LEPR: variants seen among roughly 807,000 people sequenced by gnomAD.
LEPR encodes OB receptor.
A neutral mutation model predicts 114.7 loss-of-function variants in LEPR; 56 were observed. The observed-to-expected ratio is 0.49, with a 90% CI of 0.39 to 0.61. The LOEUF (loss-of-function observed/expected upper bound fraction) is 0.61, where lower values mean the gene tolerates loss of function less well. LEPR is among the 20% of genes least tolerant of loss of function. The pLI, the probability that LEPR is intolerant of heterozygous loss-of-function variation, is 0.00. For synonymous variants in LEPR, 443 were observed against 461.4 expected (o/e 0.96, Z 0.51); for missense variants, 1,202 against 1,352.9 (o/e 0.89, Z 1.75).
At chr1:65,474,286 C>T (rs1277740810) in intron 2 of LEPR, among the ~76,000 whole-genome samples, 2 of 152,178 alleles carry the variant, frequency 1.3e-5, no homozygotes, top group South Asian at 4.1e-4. Flanking sequence ...AACCAGGACA[C>T]CTGGGGCTCA....
intron 2 of LEPR, among the ~76,000 whole-genome samples, chr1:65,438,467 T>C (rs1485004097): frequency 4.7e-5 from 7 of 149,642 alleles, no homozygotes; most frequent in Non-Finnish European, 1.0e-4. Flanking sequence ...GGAGAACTGC[T>C]TGAACCTGGT....
Position 65,435,254 on chromosome 1 carries a change from A to T in LEPR, c.-21+9876A>T, listed in dbSNP as rs908442434. On this transcript the variant is annotated intron_variant, in intron 2 of 19. Coordinates refer to ENST00000349533, the MANE Select transcript of LEPR (RefSeq NM_002303.6). ...CTAAGGAAGTCCTTACCTCTGAGGT[A>T]TCTCCTCAATGAATACTGTTTTCAA... 1.3e-5 allele frequency: 13 copies of T among 983,712 alleles called. No homozygotes were observed. In the Admixed American group the frequency reaches 4.9e-4, roughly 37 times the overall value. The allele number at this position is 983,712 out of a possible 1,614,324, so 60.9% of individuals were successfully genotyped here.
chr1:65,636,758 G>A lies in LEPR; in HGVS notation c.3241G>A (p.Gly1081Arg). Residue 1081 changes from glycine (G) to arginine (R), a missense_variant, in exon 20 of 20, where the codon GGG (glycine) becomes AGG (arginine). Coordinates refer to ENST00000349533, the MANE Select transcript of LEPR (RefSeq NM_002303.6). ...NNDKKSIYYL[G>R]VTSIKKRESG... ...TGATAAAAAGTCTATCTATTATTTAGGGGTCACCTCAATCAAAAAGAGAGA... is the reference window on the plus strand; with the variant it reads ...TGATAAAAAGTCTATCTATTATTTAAGGGTCACCTCAATCAAAAAGAGAGA... 6.2e-7 allele frequency: 1 copy of A among 1,613,902 alleles called. No homozygotes were observed. Among genetic ancestry groups the A allele is most frequent in the Non-Finnish European group, 8.5e-7 (1 of 1,179,926 alleles).
chr1:65,483,594 A>G (rs1647326693), intron 2 of LEPR, among the ~76,000 whole-genome samples: 1 of 152,184 alleles, frequency 6.6e-6, no homozygotes, highest in Non-Finnish European at 1.5e-5. Context: ...AAAATGCCCT[A>G]CCAGGACTTG....
At chr1:65,434,510 G>C in intron 2 of LEPR, 4 of 985,044 alleles carry the variant, frequency 4.1e-6, no homozygotes, top group Non-Finnish European at 4.8e-6. Flanking sequence ...CTATGAATTG[G>C]TGATTGAGTT....
intron 2 of LEPR, chr1:65,434,021 T>A (rs1646524022): frequency 1.0e-6 from 1 of 985,278 alleles, no homozygotes; most frequent in Non-Finnish European, 1.2e-6. Context: ...TACTACATTT[T>A]GCAAAAGTGT....
intron 2 of LEPR, among the ~76,000 whole-genome samples, chr1:65,447,954 A>T (rs546211441): frequency 2.0e-5 from 3 of 152,220 alleles, no homozygotes; most frequent in Non-Finnish European, 4.4e-5. Context: ...ATGAACAACT[A>T]TGTCTTCTGT....
At chr1:65,455,537 G>A (rs550301403) in intron 2 of LEPR, among the ~76,000 whole-genome samples, 11 of 152,214 alleles carry the variant, frequency 7.2e-5, no homozygotes, top group East Asian at 5.8e-4. Flanking sequence ...TGGAGTACCC[G>A]GCCATGTGAG....
At chr1:65,547,546 G>C (rs913520886) in intron 2 of LEPR, among the ~76,000 whole-genome samples, 3 of 151,820 alleles carry the variant, frequency 2.0e-5, no homozygotes, top group African/African-American at 4.8e-5. Context: ...GAGAGTGTAT[G>C]TGTCGAGGAA....
intron 15 of LEPR, 35 bp downstream of exon 15, chr1:65,616,259 C>G (rs996278010): frequency 4.4e-6 from 7 of 1,596,766 alleles, no homozygotes; most frequent in Non-Finnish European, 4.3e-6. Flanking sequence ...TCCATTGCCT[C>G]TTTTAATATT....
rs1441020233 is a variant in LEPR, at chr1:65,598,571, T to C, written c.850-89T>C. On this transcript the variant is annotated intron_variant, in intron 7 of 19. Transcript: ENST00000349533. ...ACTACTGTGTAAGATATTAATTCTT[T>C]GAAATTTGATGAGATTAGCTTATCC... is the stretch of plus-strand genomic sequence containing the variant. The C allele has an allele frequency of 4.0e-5, 62 of 1,560,484 alleles. 1 individual carries two copies. Among genetic ancestry groups the C allele is most frequent in the Non-Finnish European group, 2.6e-6 (3 of 1,144,860 alleles).
intron 5 of LEPR, among the ~76,000 whole-genome samples, chr1:65,575,325 C>T (rs1159932854): frequency 1.4e-5 from 2 of 147,096 alleles, no homozygotes. Flanking sequence ...ATAGCTTAAC[C>T]ACCAGCAAAA....
At chr1:65,525,832 C>T (rs1570610344) in intron 2 of LEPR, 5 of 985,346 alleles carry the variant, frequency 5.1e-6, no homozygotes, top group South Asian at 9.4e-5. Flanking sequence ...GGACCTGCTT[C>T]CCTCTCCGAC....
rs200237341 is a variant in LEPR, at chr1:65,598,799, C to G, written c.989C>G (p.Thr330Arg). Residue 330 changes from threonine (T) to arginine (R), a missense_variant, in exon 8 of 20, where the codon ACA (threonine) becomes AGA (arginine). By Grantham distance (71) the Thr-to-Arg change is moderately conservative. Coordinates refer to ENST00000349533, the MANE Select transcript of LEPR (RefSeq NM_002303.6). ...TGGAGTACTCCTCGTGTCTTTACCA[C>G]ACAAGGTAGGTTATGTAATAGCCAC... ...SDWSTPRVFT[T>R]QDVIYFPPKI... The G allele has an allele frequency of 6.2e-7, 1 of 1,613,178 alleles. No individual in the cohort carries two copies. The highest frequency in any genetic ancestry group is 1.7e-5 in the Admixed American group (1 of 59,906).
intron 2 of LEPR, among the ~76,000 whole-genome samples, chr1:65,478,021 C>T (rs1191565256): frequency 6.6e-6 from 1 of 152,186 alleles, no homozygotes; most frequent in Non-Finnish European, 1.5e-5. Context: ...AAACATGCAA[C>T]CCACACTCCT....
At chr1:65,591,513 T>A (rs2186243) in intron 5 of LEPR, among the ~76,000 whole-genome samples, 8 of 151,750 alleles carry the variant, frequency 5.3e-5, no homozygotes, top group Non-Finnish European at 8.8e-5. Context: ...GTTATTGGGT[T>A]CATAAATGTT....
intron 2 of LEPR, among the ~76,000 whole-genome samples, chr1:65,444,593 G>A (rs1364742049): frequency 7.3e-6 from 1 of 136,690 alleles, no homozygotes. Flanking sequence ...GGCGGGGGGT[G>A]GGGTGGGGAG....
chr1:65,554,089 A>G (rs1257813674), intron 2 of LEPR, among the ~76,000 whole-genome samples: 2 of 152,168 alleles, frequency 1.3e-5, no homozygotes, highest in Non-Finnish European at 2.9e-5. Flanking sequence ...GCTTCGTCCC[A>G]GAGGGGTACC....
intron 2 of LEPR, among the ~76,000 whole-genome samples, chr1:65,500,211 C>T (rs181533084): frequency 8.5e-5 from 13 of 152,228 alleles, no homozygotes; most frequent in African/African-American, 3.1e-4. Context: ...CATTACACCT[C>T]TTTTCTTTAT....
Sources: gnomAD v4.1 joint callset for allele counts (sites outside exome capture counted in the v4.1 genomes callset) on GRCh38, gnomAD v4.1.1 for gene constraint, MANE v1.5 for transcripts, NCBI Gene and HGNC (gene_info 2026-07-23, HGNC 2026-07-21) for gene names.